PKD1: variants seen among roughly 807,000 people sequenced by gnomAD.
PKD1 encodes the protein polycystin 1, transient receptor potential channel interacting, also known as polycystin-1.
A neutral mutation model predicts 361.7 loss-of-function variants in PKD1; 81 were observed. The observed-to-expected ratio is 0.22, with a 90% CI of 0.19 to 0.27. The LOEUF (loss-of-function observed/expected upper bound fraction) is 0.27, where lower values mean the gene tolerates loss of function less well. PKD1 is among the 10% of genes least tolerant of loss of function. The pLI, the probability that PKD1 is intolerant of heterozygous loss-of-function variation, is 1.00. For missense variants in PKD1, 6,399 were observed against 6,118.3 expected (o/e 1.05, Z -1.53); for synonymous variants, 3,615 against 2,818.3 (o/e 1.28, Z -8.95).
rs1305364581 is a variant in PKD1 at position 2,113,271 on chromosome 16, C to A, written c.2875G>T (p.Ala959Ser). ...VLVRYSPVVE[A>S]GSDMVFRWTI... ...CACCGGAAGACCATGTCCGAGCCGG[C>A]CTCCACCACGGGGCTGTACCTCTGC... The change falls in exon 12 of 46, where the codon GCC (alanine) becomes TCC (serine). Residue 959 changes from alanine (A) to serine (S), a missense_variant. Physicochemically the swap from Ala to Ser is moderately conservative, Grantham distance 99 (BLOSUM62 1). Coordinates refer to ENST00000262304, the MANE Select transcript of PKD1 (RefSeq NM_001009944.3). The A allele has an allele frequency of 4.4e-6, 7 of 1,589,978 alleles. No homozygotes were observed. Among genetic ancestry groups the A allele is most frequent in the Non-Finnish European group, 6.0e-6 (7 of 1,174,454 alleles).
chr16:2,111,246 C>A lies in PKD1; in HGVS notation c.3921G>T (p.Thr1307=), dbSNP rs1226626087. 10 of 1,610,428 alleles carry A rather than the reference C, an allele frequency of 6.2e-6. No homozygotes were observed. The African/African-American group carries it at 9.3e-5, about 15-fold the overall frequency. ...LRVEPAACIP[T]QPDARLTAYV... is the part of the protein sequence containing the mutation. ...AGGCCGTGAGCCGCGCGTCAGGCTG[C>A]GTGGGGATGCAGGCGGCGGGTTCAA... The change falls in exon 15 of 46, where the codon ACG becomes ACT. Residue 1307 remains threonine, a synonymous_variant. Transcript: ENST00000262304.
chr16:2,120,655 T>C (rs543539905), intron 1 of PKD1, among the ~76,000 whole-genome samples: 14 of 152,272 alleles, frequency 9.2e-5, no homozygotes, highest in Non-Finnish European at 1.8e-4. Flanking sequence ...TGAGCTATGA[T>C]TGTGCCACTG....
Position 2,088,939 on chromosome 16 carries a change from G to A in PKD1, c.*788C>T. 6 of 373,964 alleles carry A rather than the reference G, an allele frequency of 1.6e-5. No individual in the cohort carries two copies. In the South Asian group the frequency reaches 1.6e-4, roughly 10 times the overall value. The allele number at this position is 373,964 out of a possible 1,614,324, so 23.2% of individuals were successfully genotyped here. A position where few individuals can be genotyped will look rare whatever the true frequency, so the allele number is the denominator to read the frequency against. ...CCCTGGGAGCCAGCCCCCAGGAGGA[G>A]TCTTTTCCTCTAACCACCCTGGGGT... is the stretch of plus-strand genomic sequence containing the variant. On this transcript the variant is annotated 3_prime_UTR_variant, in exon 46 of 46. Coordinates refer to ENST00000262304, the MANE Select transcript of PKD1 (RefSeq NM_001009944.3).
rs753250207 is a variant in PKD1, at chr16:2,090,921, C to G, written c.11966G>C (p.Gly3989Ala). ...CAGGAAGAGCAGCGAGGCCGCCAGGCCACGGGCTGCGGAGCTCAGCTGCGC... is the reference window on the plus strand; with the variant it reads ...CAGGAAGAGCAGCGAGGCCGCCAGGGCACGGGCTGCGGAGCTCAGCTGCGC... ...QVAQLSSAAR[G>A]LAASLLFLLL... The change falls in exon 43 of 46, where the codon GGC (glycine) becomes GCC (alanine). Residue 3989 changes from glycine to alanine, a missense_variant. By Grantham distance (60) the Gly-to-Ala change is moderately conservative. Coordinates refer to ENST00000262304, the MANE Select transcript of PKD1 (RefSeq NM_001009944.3). 28 of 1,585,230 alleles carry G rather than the reference C, an allele frequency of 1.8e-5. No homozygotes were observed. In the African/African-American group the frequency reaches 3.5e-4, roughly 20 times the overall value.
At position 2,102,948 on chromosome 16, in the gene PKD1, A is replaced by G. The variant is rs3204450; in HGVS notation, c.8814T>C (p.Pro2938=). 54 of 1,606,856 alleles carry G rather than the reference A, an allele frequency of 3.4e-5. No individual in the cohort carries two copies. Among genetic ancestry groups the G allele is most frequent in the Non-Finnish European group, 4.2e-5 (50 of 1,179,752 alleles). ...LLDGHYLSEE[P]EPYLAVYLHS... The stretch of plus-strand genomic sequence containing the variant: ...GTAGGTAGACTGCCAGGTAGGGCTC[A>G]GGTTCCTCAGACAGGTAGTGGCCTG... The change falls in exon 24 of 46, where the codon CCT becomes CCC. Residue 2938 remains proline (P), a synonymous_variant. Coordinates refer to ENST00000262304, the MANE Select transcript of PKD1 (RefSeq NM_001009944.3).
chr16:2,091,508 G>A lies in PKD1; in HGVS notation c.11627C>T (p.Ala3876Val), dbSNP rs759962601. 6.4e-5 allele frequency: 92 copies of A among 1,439,266 alleles called. No homozygotes were observed. Among genetic ancestry groups the A allele is most frequent in the Admixed American group, 8.8e-5 (3 of 33,938 alleles). The allele number at this position is 1,439,266 out of a possible 1,614,324, so 89.2% of individuals were successfully genotyped here. A position where few individuals can be genotyped will look rare whatever the true frequency, so the allele number is the denominator to read the frequency against. The change falls in exon 42 of 46, where the codon GCC becomes GTC. Residue 3876 changes from alanine (A) to valine (V), a missense_variant. Transcript: ENST00000262304. ...GCTGAGGGCGGCCAGGGCGCGGCCGGCCGCCGGGAACTCGAGGCGCAGCGT... is the reference window on the plus strand; with the variant it reads ...GCTGAGGGCGGCCAGGGCGCGGCCGACCGCCGGGAACTCGAGGCGCAGCGT... ...AVTLRLEFPA[A>V]GRALAALSVR... is the part of the protein sequence containing the mutation.
In PKD1 at chr16:2,106,634, T is replaced by C; in HGVS notation, c.7253A>G (p.Asp2418Gly). The change falls in exon 18 of 46, where the codon GAT (aspartate) becomes GGT (glycine). Residue 2418 changes from aspartate (D) to glycine (G), a missense_variant. Transcript: ENST00000262304. The surrounding 1 kb of genome is among the most constrained non-coding windows in gnomAD (Gnocchi z 6.5). ...RTFSNKTLVL[D>G]ETTTSTGSAG... ...ACTGCCCGTGGATGTGGTGGTCTCA[T>C]CCAGCACCAGCGTCTTGTTGCTGAA... The C allele has an allele frequency of 6.3e-7, 1 of 1,598,624 alleles. No individual in the cohort carries two copies. Among genetic ancestry groups the C allele is most frequent in the Non-Finnish European group, 8.5e-7 (1 of 1,179,218 alleles).
Position 2,110,242 on chromosome 16 carries a change from C to T in PKD1, c.4925G>A (p.Arg1642His), listed in dbSNP as rs191014450. 250 of 1,611,904 alleles carry T rather than the reference C, an allele frequency of 1.6e-4. 1 individual carries two copies. In the African/African-American group the frequency reaches 3.0e-3, roughly 19 times the overall value. The change falls in exon 15 of 46, where the codon CGC becomes CAC. Residue 1642 changes from arginine (R) to histidine (H), a missense_variant. Physicochemically the swap from Arg to His is conservative, Grantham distance 29. Transcript: ENST00000262304. ...TACCGTGTGGTTGGTGGGGAAGTAGCGGCCACCGCCCACCACCTGCAGCCC... is the reference window on the plus strand; with the variant it reads ...TACCGTGTGGTTGGTGGGGAAGTAGTGGCCACCGCCCACCACCTGCAGCCC... The part of the protein sequence containing the change: ...IEGLQVVGGG[R>H]YFPTNHTVQL...
At position 2,116,471 on chromosome 16, in the gene PKD1, G is replaced by C. The variant is rs563593580; in HGVS notation, c.1722+58C>G. 1.2e-4 allele frequency: 112 copies of C among 967,332 alleles called. No individual in the cohort carries two copies. The East Asian group carries it at 2.9e-3, about 25-fold the overall frequency. 59.9% of individuals were successfully genotyped at this position (967,332 alleles called of 1,614,324 possible). A position where few individuals can be genotyped will look rare whatever the true frequency, so the allele number is the denominator to read the frequency against. ...GGCGAGACCCACAGTGGGCAGGGCA[G>C]GCAAGGCCTCCAGGGGCAGGCAGGA... On this transcript the variant is annotated intron_variant, in intron 8 of 45. Transcript: ENST00000262304.
chr16:2,109,789 G>A lies in PKD1; in HGVS notation c.5378C>T (p.Thr1793Ile). ...AGGCACCTGCACATCCACTTCCACGGTGGCGTTGGCTGAGCCCAGCGGGTT... is the reference window on the plus strand; with the variant it reads ...AGGCACCTGCACATCCACTTCCACGATGGCGTTGGCTGAGCCCAGCGGGTT... ...AGNPLGSANA[T>I]VEVDVQVPVS... Residue 1793 changes from threonine (T) to isoleucine (I), a missense_variant, in exon 15 of 46, where the codon ACC becomes ATC. Transcript: ENST00000262304. 2 of 1,610,072 alleles carry A rather than the reference G, an allele frequency of 1.2e-6. No individual in the cohort carries two copies. Among genetic ancestry groups the A allele is most frequent in the South Asian group, 1.1e-5 (1 of 90,936 alleles).
rs1188709772 is a variant in PKD1 at position 2,093,898 on chromosome 16, C to T, written c.10734G>A (p.Ala3578=). The T allele has an allele frequency of 9.5e-6, 15 of 1,578,264 alleles. No homozygotes were observed. The highest frequency in any genetic ancestry group is 1.7e-4 in the Middle Eastern group (1 of 6,056). ...VAVAVSGWVG[A]SFPPGVSVAW... ...CAACACTCACGCCCGGGGGGAAGCT[C>T]GCACCCACCCACCCTGAGACAGCCA... is the stretch of plus-strand genomic sequence containing the variant. Residue 3578 remains alanine, a synonymous_variant, in exon 36 of 46, where the codon GCG becomes GCA. Transcript: ENST00000262304.
rs370179587 is a variant in PKD1 at position 2,100,379 on chromosome 16, G to T, written c.9568+17C>A. On this transcript the variant is annotated intron_variant, in intron 27 of 45. Coordinates refer to ENST00000262304, the MANE Select transcript of PKD1 (RefSeq NM_001009944.3). This position sits in a 1 kb window ranked among gnomAD's most constrained non-coding sequence, Gnocchi z 4.4. ...TGCGGGGGCAGAGGGGCAGAGCTTG[G>T]CAGGGTCCGCACAAACCTTTGTTGT... 1.2e-5 allele frequency: 19 copies of T among 1,611,076 alleles called. No individual in the cohort carries two copies. The highest frequency in any genetic ancestry group is 2.2e-5 in the South Asian group (2 of 90,998).
intron 1 of PKD1, among the ~76,000 whole-genome samples, chr16:2,125,660 C>T (rs1289756267): frequency 2.1e-5 from 3 of 144,766 alleles, no homozygotes; most frequent in Non-Finnish European, 3.0e-5. Flanking sequence ...CGTCTGGAGA[C>T]GAGCCCACCT....
chr16:2,130,526 C>G (rs1328060671), intron 1 of PKD1, among the ~76,000 whole-genome samples: 3 of 152,250 alleles, frequency 2.0e-5, no homozygotes, highest in Non-Finnish European at 4.4e-5. Context: ...TCGAGGGTGG[C>G]CCTCCTTCTG....
chr16:2,115,074 C>G (rs2092607680), intron 10 of PKD1, 149 bp from the exon 11 acceptor site: 1 of 1,490,506 alleles, frequency 6.7e-7, no homozygotes, highest in East Asian at 2.5e-5. Flanking sequence ...CAAGGACAGG[C>G]AGGACAGTTG....
chr16:2,112,953 G>A lies in PKD1; in HGVS notation c.2996C>T (p.Ser999Phe). The change falls in exon 13 of 46, where the codon TCC (serine) becomes TTC (phenylalanine). Residue 999 changes from serine to phenylalanine, a missense_variant. By Grantham distance (155) the Ser-to-Phe change is radical. Transcript: ENST00000262304. Reference sequence around the variant, plus strand: ...CACGGTGACGTTGCTCACGTGGTTGGAGGCCGTCAGCTGCAGGGACAGGCG... The same window carrying A: ...CACGGTGACGTTGCTCACGTGGTTGAAGGCCGTCAGCTGCAGGGACAGGCG... ...AAVFKLSLTA[S>F]NHVSNVTVNY... 6.2e-7 allele frequency: 1 copy of A among 1,600,288 alleles called. No individual in the cohort carries two copies. Among genetic ancestry groups the A allele is most frequent in the Non-Finnish European group, 8.5e-7 (1 of 1,179,722 alleles).
chr16:2,108,064 T>C (rs568400994), intron 15 of PKD1, 32 bp from the exon 16 acceptor site: 17 of 1,585,862 alleles, frequency 1.1e-5, no homozygotes, highest in East Asian at 6.9e-5. Flanking sequence ...CGACGTGGCC[T>C]GAGAGCCCCA....
Position 2,104,591 on chromosome 16 carries a change from T to G in PKD1, c.8068A>C (p.Lys2690Gln). 6.3e-7 allele frequency: 1 copy of G among 1,597,986 alleles called. No individual in the cohort carries two copies. Among genetic ancestry groups the G allele is most frequent in the Non-Finnish European group, 8.5e-7 (1 of 1,173,610 alleles). The change falls in exon 22 of 46, where the codon AAG becomes CAG. Residue 2690 changes from lysine (K) to glutamine (Q), a missense_variant. By Grantham distance (53) the Lys-to-Gln change is moderately conservative (BLOSUM62 1). Transcript: ENST00000262304. ...CRSCLKQTLH[K>Q]LEAMMLILQA... Reference sequence around the variant, plus strand: ...AGGATGAGCATCATGGCCTCCAGCTTGTGCAGCGTCTGCTTCAGGCACGAG... The same window carrying G: ...AGGATGAGCATCATGGCCTCCAGCTGGTGCAGCGTCTGCTTCAGGCACGAG...
In PKD1 at chr16:2,089,878, G is replaced by C. The variant is rs144474078; in HGVS notation, c.12761C>G (p.Ala4254Gly). 1.2e-6 allele frequency: 2 copies of C among 1,609,834 alleles called. No homozygotes were observed. The highest frequency in any genetic ancestry group is 1.3e-5 in the African/African-American group (1 of 74,914). ...HSLQGRRSSR[A>G]PAGSSRGPSP... ...TGGGCCACGGGAAGATCCGGCGGGC[G>C]CCCGGCTGCTCCTGCGGCCTTGCAG... Residue 4254 changes from alanine (A) to glycine (G), a missense_variant, in exon 46 of 46, where the codon GCG becomes GGG. Transcript: ENST00000262304.
Sources: allele counts gnomAD v4.1 joint callset (sites outside exome capture counted in the v4.1 genomes callset), GRCh38; gene constraint gnomAD v4.1.1; non-coding constraint Gnocchi (gnomAD v3.1); transcripts MANE v1.5; gene names NCBI Gene and HGNC (gene_info 2026-07-23, HGNC 2026-07-21).